Variants in LMBRD1 observed in about 807,000 individuals in gnomAD.
The protein encoded by LMBRD1 is LMBR1 domain containing 1.
In LMBRD1, 64 loss-of-function variants were observed where a neutral mutation model predicts 74.8. That is an observed-to-expected ratio of 0.86 (90% CI 0.70 to 1.05). The LOEUF (loss-of-function observed/expected upper bound fraction) is 1.05, where lower values mean the gene tolerates loss of function less well. Ranked by LOEUF, LMBRD1 falls within the 50% of genes least tolerant of loss-of-function variation. LMBRD1 has a pLI of 0.00. For synonymous variants in LMBRD1, 204 were observed against 216.3 expected (o/e 0.94, Z 0.50); for missense variants, 652 against 645.9 (o/e 1.01, Z -0.10).
At chr6:69,735,345 G>A (rs1311139897) in intron 7 of LMBRD1, among the ~76,000 whole-genome samples, 3 of 151,238 alleles carry the variant, frequency 2.0e-5, no homozygotes, top group Non-Finnish European at 4.4e-5. Context: ...AGTACCCAGA[G>A]AAAACCCACG....
chr6:69,744,138 G>C (rs1215249295), intron 5 of LMBRD1, among the ~76,000 whole-genome samples: 2 of 152,164 alleles, frequency 1.3e-5, no homozygotes, highest in East Asian at 3.8e-4. Context: ...ATGAAATGGT[G>C]ATGATATTAA....
At chr6:69,695,461 CCT>C (rs1467815520) in intron 14 of LMBRD1, among the ~76,000 whole-genome samples, 2 of 152,068 alleles carry the variant, frequency 1.3e-5, no homozygotes, top group Non-Finnish European at 2.9e-5. Flanking sequence ...CATATGTACC[CCT>C]GAGGGATTGG....
chr6:69,725,038 C>CA (rs1190307176), intron 7 of LMBRD1, among the ~76,000 whole-genome samples: 2 of 151,820 alleles, frequency 1.3e-5, no homozygotes, highest in African/African-American at 2.4e-5. Context: ...AATCAACATA[C>CA]AAAAAATCAG....
chr6:69,763,902 A>G (rs911571551), intron 3 of LMBRD1, among the ~76,000 whole-genome samples: 2 of 152,240 alleles, frequency 1.3e-5, no homozygotes, highest in South Asian at 2.1e-4. Flanking sequence ...TACTGCCATT[A>G]TATTTTAAAA....
chr6:69,776,243 A>C (rs1475456291), intron 3 of LMBRD1, among the ~76,000 whole-genome samples: 1 of 152,262 alleles, frequency 6.6e-6, no homozygotes, highest in Non-Finnish European at 1.5e-5. Context: ...AGTATGAAAA[A>C]GCAGTGAGAC....
intron 14 of LMBRD1, among the ~76,000 whole-genome samples, chr6:69,678,026 T>A (rs1765583367): frequency 1.3e-5 from 2 of 152,144 alleles, no homozygotes; most frequent in African/African-American, 4.8e-5. Context: ...AGGTTAGAGT[T>A]GCCAACCACC....
intron 3 of LMBRD1, among the ~76,000 whole-genome samples, chr6:69,765,501 G>A (rs949057105): frequency 1.3e-5 from 2 of 151,964 alleles, no homozygotes; most frequent in Non-Finnish European, 2.9e-5. Context: ...ATATAGTCTT[G>A]TTTACTGAGT....
intron 9 of LMBRD1, among the ~76,000 whole-genome samples, chr6:69,706,844 T>C (rs1766270235): frequency 6.6e-6 from 1 of 152,192 alleles, no homozygotes; most frequent in South Asian, 2.1e-4. Context: ...GTAAATTTTC[T>C]ACTGCTGCCA....
intron 3 of LMBRD1, among the ~76,000 whole-genome samples, chr6:69,767,049 G>A (rs1765486990): frequency 6.6e-6 from 1 of 151,484 alleles, no homozygotes; most frequent in African/African-American, 2.4e-5. Flanking sequence ...AGTTGGTAAT[G>A]CCACTTCTTT....
At chr6:69,705,776 C>T (rs1230596532) in intron 9 of LMBRD1, 1 of 1,184,812 alleles carries the variant, frequency 8.4e-7, no homozygotes, top group Non-Finnish European at 1.2e-6. Context: ...CATCCTCCTC[C>T]TCTTCATCTA....
At chr6:69,783,539 T>A (rs1318774850) in intron 2 of LMBRD1, among the ~76,000 whole-genome samples, 1 of 152,140 alleles carries the variant, frequency 6.6e-6, no homozygotes, top group Non-Finnish European at 1.5e-5. Flanking sequence ...CATGCCCAGC[T>A]AATTTTTGTA....
intron 5 of LMBRD1, 101 bp downstream of exon 5, chr6:69,749,239 CA>C (rs1428964056): frequency 1.1e-6 from 1 of 892,512 alleles, no homozygotes; most frequent in Non-Finnish European, 1.7e-6. Context: ...TTTTTTCTTA[CA>C]TTTTTTTCTT....
chr6:69,795,458 G>T (rs1276518183), intron 1 of LMBRD1, among the ~76,000 whole-genome samples: 3 of 152,190 alleles, frequency 2.0e-5, no homozygotes, highest in Non-Finnish European at 2.9e-5. Flanking sequence ...GCCGTATTTT[G>T]TTTGGTTTAC....
intron 14 of LMBRD1, among the ~76,000 whole-genome samples, chr6:69,690,730 G>A (rs1215880302): frequency 1.3e-5 from 2 of 152,006 alleles, no homozygotes; most frequent in African/African-American, 2.4e-5. Context: ...AAAATATCTT[G>A]TGTACCTCAT....
intron 7 of LMBRD1, among the ~76,000 whole-genome samples, chr6:69,732,824 C>A (rs912119280): frequency 6.6e-6 from 1 of 152,282 alleles, no homozygotes; most frequent in Admixed American, 6.5e-5. Flanking sequence ...CATCATTATT[C>A]AACATTTCCC....
chr6:69,688,236 A>G (rs1365583528), intron 14 of LMBRD1, among the ~76,000 whole-genome samples: 1 of 152,084 alleles, frequency 6.6e-6, no homozygotes, highest in Non-Finnish European at 1.5e-5. Context: ...TCTTAACATG[A>G]ACATTTTAAC....
chr6:69,784,909 C>T (rs555849533), intron 2 of LMBRD1, among the ~76,000 whole-genome samples: 15 of 152,246 alleles, frequency 9.9e-5, no homozygotes, highest in South Asian at 2.1e-4. Flanking sequence ...GATACACAAA[C>T]ACCACAAATA....
chr6:69,773,670 T>A (rs897076445), intron 3 of LMBRD1, among the ~76,000 whole-genome samples: 7 of 152,208 alleles, frequency 4.6e-5, no homozygotes, highest in Middle Eastern at 6.8e-3. Flanking sequence ...CAAAAAAAAA[T>A]TTTATTAAAC....
At chr6:69,751,770 G>T (rs16868145) in intron 4 of LMBRD1, among the ~76,000 whole-genome samples, 52,398 of 152,094 alleles carry the variant, frequency 0.34, 9,957 homozygotes, top group East Asian at 0.54. Context: ...TAAAATGTTC[G>T]CTGTCTCTGG....
Sources: gnomAD v4.1 joint callset for allele counts (sites outside exome capture counted in the v4.1 genomes callset) on GRCh38, gnomAD v4.1.1 for gene constraint, MANE v1.5 for transcripts, NCBI Gene and HGNC (gene_info 2026-07-23, HGNC 2026-07-21) for gene names.